Variants in ZNF704 observed in about 807,000 individuals in gnomAD.
ZNF704 encodes the protein glucocorticoid induced gene 1.
Under a neutral mutation model 44.7 loss-of-function variants are expected in ZNF704, and 10 were observed. The observed-to-expected ratio is 0.22, with a 90% CI of 0.14 to 0.38. The LOEUF is 0.38. ZNF704 is among the 10% of genes least tolerant of loss of function. The probability of loss-of-function intolerance (pLI) is 1.00; values close to 1 mark genes in which losing one functional copy is unlikely to be tolerated. For missense variants in ZNF704, 390 were observed against 545.5 expected (o/e 0.71, Z 2.84); for synonymous variants, 211 against 207.6 (o/e 1.02, Z -0.14).
chr8:80,668,310 A>G (rs1818227052), intron 5 of ZNF704, among the ~76,000 whole-genome samples: 1 of 152,230 alleles, frequency 6.6e-6, no homozygotes, highest in Non-Finnish European at 1.5e-5. Context: ...AGAATCTAAC[A>G]TAAAATCCAT....
chr8:80,718,461 T>C (rs1819109485), intron 2 of ZNF704, among the ~76,000 whole-genome samples: 1 of 152,224 alleles, frequency 6.6e-6, no homozygotes, highest in Non-Finnish European at 1.5e-5. Flanking sequence ...TTGTTGGGGT[T>C]GGCTAGGGAC....
intron 5 of ZNF704, among the ~76,000 whole-genome samples, chr8:80,666,236 T>C (rs1412321907): frequency 7.1e-6 from 1 of 141,612 alleles, no homozygotes; most frequent in Admixed American, 7.0e-5. Flanking sequence ...GTTCTTGCGA[T>C]AGTTTACTGA....
chr8:80,788,702 C>T (rs1263240881), intron 2 of ZNF704, among the ~76,000 whole-genome samples: 1 of 152,120 alleles, frequency 6.6e-6, no homozygotes, highest in Non-Finnish European at 1.5e-5. Context: ...GAGTCTGGGC[C>T]TTTACGACAC....
chr8:80,808,787 CAT>C (rs1273389467), intron 2 of ZNF704, among the ~76,000 whole-genome samples: 1 of 152,208 alleles, frequency 6.6e-6, no homozygotes, highest in African/African-American at 2.4e-5. Context: ...TTGAAAACCA[CAT>C]AATGTATTTA....
intron 2 of ZNF704, among the ~76,000 whole-genome samples, chr8:80,793,110 CA>C (rs1807739888): frequency 6.6e-6 from 1 of 152,102 alleles, no homozygotes; most frequent in African/African-American, 2.4e-5. Context: ...TATGTAGGGA[CA>C]AGGGAGGAGC....
chr8:80,834,925 G>A (rs1197573149), intron 1 of ZNF704, among the ~76,000 whole-genome samples: 2 of 152,110 alleles, frequency 1.3e-5, no homozygotes, highest in African/African-American at 4.8e-5. Context: ...TCTTTATCCA[G>A]CCTATCATTG....
chr8:80,762,092 T>C (rs1445281419), intron 2 of ZNF704, among the ~76,000 whole-genome samples: 1 of 152,214 alleles, frequency 6.6e-6, no homozygotes, highest in Non-Finnish European at 1.5e-5. Context: ...TGCACTTTTG[T>C]GAAGTCAAAT....
chr8:80,830,555 G>A (rs548636108), intron 1 of ZNF704, among the ~76,000 whole-genome samples: 2 of 151,978 alleles, frequency 1.3e-5, no homozygotes, highest in Non-Finnish European at 2.9e-5. Flanking sequence ...AGTGATATCT[G>A]TATGAGTAGT....
At chr8:80,821,818 T>G (rs1808276301) in intron 1 of ZNF704, among the ~76,000 whole-genome samples, 1 of 152,058 alleles carries the variant, frequency 6.6e-6, no homozygotes, top group Admixed American at 6.5e-5. Context: ...ATAATGCAAA[T>G]AAGAAACATC....
At chr8:80,752,769 G>A (rs1413986082) in intron 2 of ZNF704, among the ~76,000 whole-genome samples, 3 of 152,100 alleles carry the variant, frequency 2.0e-5, no homozygotes, top group Non-Finnish European at 2.9e-5. Context: ...TCAAACTCCC[G>A]ACCTCAGGTG....
intron 2 of ZNF704, among the ~76,000 whole-genome samples, chr8:80,722,308 T>C (rs1432171245): frequency 6.6e-6 from 1 of 152,202 alleles, no homozygotes; most frequent in Non-Finnish European, 1.5e-5. Context: ...TTGTTTCTCT[T>C]ATTAGCTACG....
intron 4 of ZNF704, among the ~76,000 whole-genome samples, chr8:80,685,874 T>C (rs914477376): frequency 1.3e-5 from 2 of 152,158 alleles, no homozygotes; most frequent in African/African-American, 2.4e-5. Context: ...TTGAAATGAA[T>C]TGGGGGAGGA....
intron 2 of ZNF704, among the ~76,000 whole-genome samples, chr8:80,786,661 T>C (rs976374582): frequency 6.6e-6 from 1 of 152,254 alleles, no homozygotes; most frequent in African/African-American, 2.4e-5. Context: ...TAAAGAGAAA[T>C]GTGCTGGTCT....
intron 1 of ZNF704, among the ~76,000 whole-genome samples, chr8:80,862,355 A>G (rs2130044135): frequency 6.6e-6 from 1 of 152,230 alleles, no homozygotes; most frequent in African/African-American, 2.4e-5. Context: ...ACCTTGTGCT[A>G]GAGTGCAAGA....
chr8:80,689,644 C>T (rs902169963), intron 3 of ZNF704, among the ~76,000 whole-genome samples: 2 of 152,132 alleles, frequency 1.3e-5, no homozygotes, highest in Non-Finnish European at 2.9e-5. Flanking sequence ...TAAAATAAAG[C>T]TAATGGTGCT....
chr8:80,686,868 A>AT (rs1818546039), intron 4 of ZNF704, among the ~76,000 whole-genome samples: 1 of 152,140 alleles, frequency 6.6e-6, no homozygotes, highest in South Asian at 2.1e-4. Flanking sequence ...TATTAATTAT[A>AT]TTTTACATAT....
chr8:80,724,494 T>C (rs1806437212), intron 2 of ZNF704, among the ~76,000 whole-genome samples: 1 of 152,220 alleles, frequency 6.6e-6, no homozygotes, highest in Admixed American at 6.5e-5. Flanking sequence ...TTTAATTGTA[T>C]ACACTATTCC....
Position 80,632,627 on chromosome 8 carries a change from T to C in ZNF704, c.*8739A>G, listed in dbSNP as rs1180742146. ...ATCAAGGGGATCTTCTCTTTAGAAG[T>C]TGGTAGTTATTAACTATGTGGTGGT... is the stretch of plus-strand genomic sequence containing the variant. On this transcript the variant is annotated 3_prime_UTR_variant, in exon 9 of 9. Coordinates refer to ENST00000327835, the MANE Select transcript of ZNF704 (RefSeq NM_001033723.3). The C allele has an allele frequency of 1.3e-5, 2 of 152,212 alleles. No individual in the cohort carries two copies. The highest frequency in any genetic ancestry group is 1.5e-5 in the Non-Finnish European group (1 of 68,038). 9.4% of individuals were successfully genotyped at this position (152,212 alleles called of 1,614,324 possible). A position where few individuals can be genotyped will look rare whatever the true frequency, so the allele number is the denominator to read the frequency against.
At chr8:80,781,874 T>C (rs1807529295) in intron 2 of ZNF704, among the ~76,000 whole-genome samples, 3 of 152,222 alleles carry the variant, frequency 2.0e-5, no homozygotes. Flanking sequence ...TCCACTAGTT[T>C]AATTCCACCG....
Sources: gnomAD v4.1 joint callset for allele counts (sites outside exome capture counted in the v4.1 genomes callset) on GRCh38, gnomAD v4.1.1 for gene constraint, MANE v1.5 for transcripts, NCBI Gene and HGNC (gene_info 2026-07-23, HGNC 2026-07-21) for gene names.